ABLIM1: variants seen among roughly 807,000 people sequenced by gnomAD.
The protein encoded by ABLIM1 is actin binding LIM protein 1, also known as actin-binding LIM protein 1.
In ABLIM1, 40 loss-of-function variants were observed where a neutral mutation model predicts 107.0. The observed-to-expected ratio is 0.37, with a 90% CI of 0.29 to 0.49. The LOEUF (loss-of-function observed/expected upper bound fraction) is 0.49. ABLIM1 is among the 20% of genes least tolerant of loss of function. ABLIM1 has a pLI of 0.97. For missense variants in ABLIM1, 857 were observed against 1,008.5 expected, an observed-to-expected ratio of 0.85 and a Z score of 2.04; for synonymous variants, 357 against 357.3, an observed-to-expected ratio of 1.00 and a Z score of 0.01.
chr10:114,709,567 A>T (rs2081500697), intron 1 of ABLIM1, among the ~76,000 whole-genome samples: 1 of 152,206 alleles, frequency 6.6e-6, no homozygotes, highest in East Asian at 1.9e-4. Flanking sequence ...TTTGTGTATG[A>T]GATTGTTTTA....
At chr10:114,478,489 T>C (rs2056828144) in intron 8 of ABLIM1, among the ~76,000 whole-genome samples, 1 of 152,212 alleles carries the variant, frequency 6.6e-6, no homozygotes, top group Non-Finnish European at 1.5e-5. Flanking sequence ...GGGGTGGTTT[T>C]CCCCATGCTG....
At chr10:114,632,169 G>T (rs1167654784) in intron 1 of ABLIM1, 2 of 985,234 alleles carry the variant, frequency 2.0e-6, no homozygotes, top group African/African-American at 3.5e-5. Context: ...CGCCCAGCTC[G>T]GGGACTCTGC....
At chr10:114,780,016 A>G in the ABLIM1 span, 1 of 152,062 alleles carries the variant, frequency 6.6e-6, no homozygotes, top group Non-Finnish European at 1.5e-5. Context: ...CACTTGGTTG[A>G]ATTTATGGCA....
chr10:114,629,644 C>T lies in ABLIM1; in HGVS notation c.245-27683G>A, dbSNP rs1421572384. On this transcript the variant is annotated intron_variant, in intron 1 of 22. Transcript: ENST00000533213. The surrounding 1 kb of genome is among the most constrained non-coding windows in gnomAD (Gnocchi z 4.0). Reference sequence around the variant, plus strand: ...GTCTCTCATCCACTACATGGTGTGACGAGACACAGAGAATGAGTACTTTGT... The same window carrying T: ...GTCTCTCATCCACTACATGGTGTGATGAGACACAGAGAATGAGTACTTTGT... Among the ~76,000 whole-genome samples the T allele has an allele frequency of 6.6e-5, 10 of 152,220 alleles. No homozygotes were observed. The East Asian group carries it at 1.5e-3, about 24-fold the overall frequency.
rs1037193235 is a variant in ABLIM1 at position 114,632,657 on chromosome 10, G to T, written c.244+25300C>A. ...ACAGCCGGGGAAGAGGATCTTTCAGGATTCTATTCCTTATCCAGGATCCAA... is the reference window on the plus strand; with the variant it reads ...ACAGCCGGGGAAGAGGATCTTTCAGTATTCTATTCCTTATCCAGGATCCAA... On this transcript the variant is annotated intron_variant, in intron 1 of 22. Transcript: ENST00000533213. The T allele has an allele frequency of 3.0e-6, 3 of 985,260 alleles. No individual in the cohort carries two copies. In the African/African-American group the frequency reaches 5.2e-5, roughly 17 times the overall value. 61.0% of individuals were successfully genotyped at this position (985,260 alleles called of 1,614,324 possible).
At chr10:114,593,908 G>C (rs527458282) in intron 2 of ABLIM1, among the ~76,000 whole-genome samples, 1 of 152,206 alleles carries the variant, frequency 6.6e-6, no homozygotes, top group South Asian at 2.1e-4. Context: ...CTTCAACATG[G>C]CAACAAATTC....
chr10:114,745,517 C>T (rs556881931), intron 1 of ABLIM1, among the ~76,000 whole-genome samples: 95 of 152,210 alleles, frequency 6.2e-4, no homozygotes, highest in Non-Finnish European at 1.2e-3. Context: ...GCCAAGATCA[C>T]GCCACTGGCA....
In ABLIM1 at chr10:114,451,630, G is replaced by C. The variant is rs1271103177; in HGVS notation, c.1588C>G (p.Gln530Glu). Residue 530 changes from glutamine (Q) to glutamate (E), a missense_variant, in exon 14 of 23, where the codon CAG (glutamine) becomes GAG (glutamate). Gln to Glu is a conservative substitution (Grantham distance 29). Around this residue, in one of 5 missense-constraint regions of ABLIM1, gnomAD observed 103 missense variants for 101.0 expected, o/e 1.02. Transcript: ENST00000533213. ...NIYRKPPIYK[Q>E]HAALAAQSKS... is the part of the protein sequence containing the mutation. Reference sequence around the variant, plus strand: ...GGAGGAAAGCGGGTTTTACCATGCTGTTTGTAGATGGGTGGCTTTCGGTAA... The same window carrying C: ...GGAGGAAAGCGGGTTTTACCATGCTCTTTGTAGATGGGTGGCTTTCGGTAA... 6.2e-7 allele frequency: 1 copy of C among 1,613,406 alleles called. No individual in the cohort carries two copies. The highest frequency in any genetic ancestry group is 8.5e-7 in the Non-Finnish European group (1 of 1,179,488).
At position 114,453,363 on chromosome 10, in the gene ABLIM1, C is replaced by G; in HGVS notation, c.1546+16G>C. On this transcript the variant is annotated intron_variant, in intron 13 of 22. Coordinates refer to ENST00000533213, the MANE Select transcript of ABLIM1 (RefSeq NM_002313.7). ...CTGTGACAGGACACCAAGACACAGA[C>G]TGTGTCAGCTCCTACCTGGAACATG... The G allele has an allele frequency of 7.4e-6, 12 of 1,613,004 alleles. No individual in the cohort carries two copies. The highest frequency in any genetic ancestry group is 1.0e-5 in the Non-Finnish European group (12 of 1,179,040).
At chr10:114,693,653 T>A (rs113922736) in intron 1 of ABLIM1, among the ~76,000 whole-genome samples, 19 of 152,014 alleles carry the variant, frequency 1.2e-4, no homozygotes, top group African/African-American at 3.4e-4. Context: ...TTATTTCTTT[T>A]TTTTTTTCTT....
intron 8 of ABLIM1, among the ~76,000 whole-genome samples, chr10:114,480,420 C>T (rs1044340328): frequency 1.3e-5 from 2 of 152,190 alleles, no homozygotes; most frequent in African/African-American, 4.8e-5. Flanking sequence ...GGACTTATGG[C>T]TAACATACTA....
At chr10:114,606,512 G>T (rs1262592083) in intron 1 of ABLIM1, among the ~76,000 whole-genome samples, 1 of 152,142 alleles carries the variant, frequency 6.6e-6, no homozygotes, top group East Asian at 1.9e-4. Flanking sequence ...GAGATTACAG[G>T]CGTAAGGCAC....
intron 12 of ABLIM1, among the ~76,000 whole-genome samples, chr10:114,461,401 T>A (rs1048835053): frequency 2.4e-4 from 36 of 152,012 alleles, no homozygotes; most frequent in Non-Finnish European, 2.1e-4. Context: ...GGGTTTTTTT[T>A]TTTTTTTAAG....
At chr10:114,483,817 A>G (rs2134511727) in intron 8 of ABLIM1, among the ~76,000 whole-genome samples, 1 of 152,362 alleles carries the variant, frequency 6.6e-6, no homozygotes, top group East Asian at 1.9e-4. Context: ...GCAGAGCTAC[A>G]GAACAGGTTT....
intron 14 of ABLIM1, among the ~76,000 whole-genome samples, chr10:114,449,338 T>G (rs1214159804): frequency 6.6e-6 from 1 of 152,244 alleles, no homozygotes; most frequent in Non-Finnish European, 1.5e-5. Context: ...TTTTAAAATC[T>G]GGAAATAACC....
At chr10:114,642,953 A>G (rs1179237242) in intron 1 of ABLIM1, among the ~76,000 whole-genome samples, 3 of 152,200 alleles carry the variant, frequency 2.0e-5, no homozygotes, top group Admixed American at 6.5e-5. Context: ...TGCCAAAAGA[A>G]CCAAGAAACT....
At chr10:114,717,959 G>A (rs1274374851) in intron 1 of ABLIM1, among the ~76,000 whole-genome samples, 3 of 142,734 alleles carry the variant, frequency 2.1e-5, no homozygotes, top group Non-Finnish European at 4.6e-5. Context: ...GAGGGGGAAA[G>A]AGAGAAAGAA....
chr10:114,513,602 C>G (rs994339962), intron 6 of ABLIM1, among the ~76,000 whole-genome samples: 1 of 152,132 alleles, frequency 6.6e-6, no homozygotes. Flanking sequence ...GCAATCAAAG[C>G]CCAACTTGGT....
intron 1 of ABLIM1, among the ~76,000 whole-genome samples, chr10:114,642,863 T>C (rs575155225): frequency 6.6e-5 from 10 of 152,150 alleles, no homozygotes; most frequent in Non-Finnish European, 1.2e-4. Flanking sequence ...GCAACACTGA[T>C]ACTTAGAAGA....
Sources: allele counts gnomAD v4.1 joint callset (sites outside exome capture counted in the v4.1 genomes callset), GRCh38; gene constraint gnomAD v4.1.1; regional missense constraint gnomAD v4.1.1; non-coding constraint Gnocchi (gnomAD v3.1); transcripts MANE v1.5; gene names NCBI Gene and HGNC (gene_info 2026-07-23, HGNC 2026-07-21).